The following MEIKIN variants were observed in gnomAD, a reference collection of about 807,000 sequenced individuals.
MEIKIN encodes the protein meiosis-specific kinetochore protein.
chr5:131,834,290 ACAAT>A (rs746526667), intron 11 of MEIKIN, among the ~76,000 whole-genome samples: 2 of 152,326 alleles, frequency 1.3e-5, no homozygotes. Context: ...AAGAAGTACC[ACAAT>A]CAAATTAACA....
intron 5 of MEIKIN, among the ~76,000 whole-genome samples, chr5:131,928,100 C>T (rs537364263): frequency 2.3e-4 from 34 of 148,090 alleles, no homozygotes; most frequent in African/African-American, 5.8e-4. Context: ...GTTGAGATCG[C>T]GCCACTGCAC....
intron 5 of MEIKIN, among the ~76,000 whole-genome samples, chr5:131,925,099 G>A (rs1257033408): frequency 1.3e-5 from 2 of 152,080 alleles, no homozygotes; most frequent in Non-Finnish European, 2.9e-5. Flanking sequence ...TGTATTCTTG[G>A]CACTCCATCC....
intron 11 of MEIKIN, among the ~76,000 whole-genome samples, chr5:131,828,272 C>A (rs748634552): frequency 7.9e-5 from 12 of 152,158 alleles, no homozygotes; most frequent in Admixed American, 1.3e-4. Flanking sequence ...AAGTCATCCT[C>A]CCATCTCAGC....
At chr5:131,863,894 G>A (rs977635507) in intron 9 of MEIKIN, among the ~76,000 whole-genome samples, 6 of 152,108 alleles carry the variant, frequency 3.9e-5, no homozygotes, top group African/African-American at 1.2e-4. Flanking sequence ...CATGTAAGAC[G>A]TGACTTGCTC....
chr5:131,834,890 A>G (rs1334533297), intron 11 of MEIKIN, among the ~76,000 whole-genome samples: 1 of 151,738 alleles, frequency 6.6e-6, no homozygotes, highest in African/African-American at 2.4e-5. Flanking sequence ...TTCCATAACA[A>G]TGATACCAAT....
chr5:131,901,950 T>A (rs1234049391), intron 8 of MEIKIN, among the ~76,000 whole-genome samples: 1 of 152,144 alleles, frequency 6.6e-6, no homozygotes, highest in Non-Finnish European at 1.5e-5. Context: ...GAAAGGTGAT[T>A]AGATCATGGG....
Position 131,944,650 on chromosome 5 carries a change from G to C in MEIKIN, c.288+15C>G, listed in dbSNP as rs1751930945. 7.5e-6 allele frequency: 3 copies of C among 398,968 alleles called. No individual in the cohort carries two copies. Among genetic ancestry groups the C allele is most frequent in the East Asian group, 7.1e-5 (2 of 28,090 alleles). 24.7% of individuals were successfully genotyped at this position (398,968 alleles called of 1,614,324 possible). On this transcript the variant is annotated intron_variant, in intron 3 of 12. Transcript: ENST00000442687. ...CACTAAGTGTGTCCAAGGACTAAAA[G>C]AGAAGCATACATACACGCAACGATG...
intron 11 of MEIKIN, among the ~76,000 whole-genome samples, chr5:131,822,948 T>C (rs2149603942): frequency 6.6e-6 from 1 of 151,826 alleles, no homozygotes; most frequent in East Asian, 1.9e-4. Flanking sequence ...TTTTTTTTTT[T>C]TTTTTTGCCA....
At chr5:131,884,010 A>G (rs181040030) in intron 8 of MEIKIN, among the ~76,000 whole-genome samples, 172 of 152,340 alleles carry the variant, frequency 1.1e-3, no homozygotes, top group Non-Finnish European at 2.0e-3. Context: ...TCCAACAGTC[A>G]GAACTTGAGT....
intron 7 of MEIKIN, among the ~76,000 whole-genome samples, chr5:131,915,711 T>C (rs1026632296): frequency 2.0e-5 from 3 of 151,982 alleles, no homozygotes; most frequent in African/African-American, 7.3e-5. Flanking sequence ...CAGAAGTAAA[T>C]GGATGACAGT....
intron 8 of MEIKIN, 29 bp from the exon 9 acceptor site, chr5:131,879,077 T>C (rs1448885165): frequency 7.5e-6 from 3 of 398,308 alleles, no homozygotes; most frequent in Non-Finnish European, 1.3e-5. Context: ...TTCAGTATTC[T>C]ACTTATTTCA....
intron 4 of MEIKIN, among the ~76,000 whole-genome samples, chr5:131,942,056 G>T (rs939497384): frequency 6.6e-5 from 10 of 152,056 alleles, no homozygotes; most frequent in African/African-American, 2.4e-4. Flanking sequence ...CTTCCACACT[G>T]CAGCTAAAGT....
At chr5:131,942,248 C>T (rs1413089088) in intron 4 of MEIKIN, among the ~76,000 whole-genome samples, 1 of 152,210 alleles carries the variant, frequency 6.6e-6, no homozygotes, top group Non-Finnish European at 1.5e-5. Flanking sequence ...TCTTCAGTTA[C>T]TCAATACATA....
chr5:131,851,602 T>TTA (rs1285164681), intron 10 of MEIKIN, among the ~76,000 whole-genome samples: 1 of 152,144 alleles, frequency 6.6e-6, no homozygotes, highest in African/African-American at 2.4e-5. Flanking sequence ...GTAAAATGGG[T>TTA]TATAACATTC....
At chr5:131,834,480 T>C (rs910931395) in intron 11 of MEIKIN, among the ~76,000 whole-genome samples, 1 of 152,168 alleles carries the variant, frequency 6.6e-6, no homozygotes. Flanking sequence ...TTGACCAGCA[T>C]CTCTCCATTT....
At chr5:131,889,119 T>C (rs1750859595) in intron 8 of MEIKIN, among the ~76,000 whole-genome samples, 3 of 152,216 alleles carry the variant, frequency 2.0e-5, no homozygotes, top group South Asian at 4.1e-4. Flanking sequence ...TGTAGCCTTG[T>C]AGTATAGTTT....
chr5:131,912,941 A>AGG (rs1341651948), intron 7 of MEIKIN, among the ~76,000 whole-genome samples: 1 of 152,172 alleles, frequency 6.6e-6, no homozygotes, highest in African/African-American at 2.4e-5. Context: ...TTTGGAAACT[A>AGG]CACTTTGGGT....
chr5:131,885,580 C>T (rs530047618), intron 8 of MEIKIN, among the ~76,000 whole-genome samples: 17 of 152,248 alleles, frequency 1.1e-4, no homozygotes, highest in African/African-American at 3.4e-4. Context: ...CTTTGGGTGC[C>T]GCCTAATGAA....
rs962512472 is a variant in MEIKIN, at chr5:131,856,887, T to C, written c.775-2053A>G. On this transcript the variant is annotated intron_variant, in intron 9 of 12. Coordinates refer to ENST00000442687, the MANE Select transcript of MEIKIN (RefSeq NM_001303622.2). ...AAGACTAGTTCTTATCAATGCAGGT[T>C]TTGGGGACTGAGGCAGCAGAACTAA... Among the ~76,000 whole-genome samples the C allele has an allele frequency of 5.9e-5, 9 of 151,704 alleles. No homozygotes were observed. The East Asian group carries it at 1.5e-3, about 26-fold the overall frequency.
Sources: gnomAD v4.1 joint callset for allele counts (sites outside exome capture counted in the v4.1 genomes callset) on GRCh38, gnomAD v4.1.1 for gene constraint, MANE v1.5 for transcripts, NCBI Gene and HGNC (gene_info 2026-07-23, HGNC 2026-07-21) for gene names.